AFF1: variants seen among roughly 807,000 people sequenced by gnomAD.
AFF1 encodes the protein ALF transcription elongation factor 1, also known as AF4/FMR2 family member 1.
In AFF1, 48 loss-of-function variants were observed where a neutral mutation model predicts 121.7. That is an observed-to-expected ratio of 0.39 (90% CI 0.31 to 0.50). AFF1 has a LOEUF of 0.50. Ranked by LOEUF, AFF1 falls within the 20% of genes least tolerant of loss-of-function variation. AFF1 has a pLI of 0.76. For synonymous variants in AFF1, 613 were observed against 563.0 expected (o/e 1.09, Z -1.26); for missense variants, 1,523 against 1,511.7 (o/e 1.01, Z -0.12).
At chr4:87,003,895 A>G (rs1050579138) in intron 2 of AFF1, among the ~76,000 whole-genome samples, 1 of 152,256 alleles carries the variant, frequency 6.6e-6, no homozygotes, top group Admixed American at 6.5e-5. Flanking sequence ...CTTACAAATG[A>G]AAATAAATGT....
intron 4 of AFF1, among the ~76,000 whole-genome samples, chr4:87,083,541 A>C (rs532004754): frequency 1.2e-4 from 19 of 152,216 alleles, no homozygotes; most frequent in Admixed American, 7.2e-4. Context: ...GTCTTCATTT[A>C]ATGTGGCTTA....
At chr4:86,945,536 TTACCCAGGCTGCAGTGCAGTGGCACAGA>T (rs1720800107) in intron 1 of AFF1, among the ~76,000 whole-genome samples, 1 of 144,966 alleles carries the variant, frequency 6.9e-6, no homozygotes, top group African/African-American at 2.6e-5. Flanking sequence ...AGGGTCTCTG[TTACCCAGGCTGCAGTGCAGTGGCACAGA>T]TCACAGTTCA....
intron 2 of AFF1, chr4:86,949,789 G>C (rs1017463774): frequency 2.0e-5 from 33 of 1,613,626 alleles, no homozygotes; most frequent in Non-Finnish European, 5.1e-6. Flanking sequence ...GGGAGAACAG[G>C]GCCACTGGGA....
At chr4:87,097,128 C>A (rs1023801900) in intron 8 of AFF1, among the ~76,000 whole-genome samples, 1 of 152,194 alleles carries the variant, frequency 6.6e-6, no homozygotes, top group Non-Finnish European at 1.5e-5. Context: ...TTGTCAAGCC[C>A]TGTAGACCAT....
chr4:87,110,800 A>G (rs1047125271), intron 11 of AFF1, among the ~76,000 whole-genome samples: 2 of 152,158 alleles, frequency 1.3e-5, no homozygotes, highest in Admixed American at 1.3e-4. Flanking sequence ...CTAATAAAAA[A>G]TAATTATATC....
chr4:86,978,304 C>T (rs1017393387), intron 2 of AFF1, among the ~76,000 whole-genome samples: 3 of 148,812 alleles, frequency 2.0e-5, no homozygotes, highest in Non-Finnish European at 4.4e-5. Context: ...CTGCCTCAGC[C>T]TCCCGAAGAG....
intron 8 of AFF1, among the ~76,000 whole-genome samples, chr4:87,103,039 C>G (rs1327897833): frequency 6.6e-6 from 1 of 152,170 alleles, no homozygotes; most frequent in Non-Finnish European, 1.5e-5. Flanking sequence ...AAACTGTCTT[C>G]AGCTACATAG....
chr4:86,979,089 T>C (rs1195955760), intron 2 of AFF1, among the ~76,000 whole-genome samples: 1 of 152,040 alleles, frequency 6.6e-6, no homozygotes, highest in Non-Finnish European at 1.5e-5. Context: ...CCGTCTCCTT[T>C]GCCTCTGCCT....
In AFF1 at chr4:86,959,951, G is replaced by C. The variant is rs575192943; in HGVS notation, c.38+11380G>C. 3.9e-5 allele frequency among the ~76,000 whole-genome samples: 6 copies of C among 152,240 alleles called. No homozygotes were observed. The South Asian group carries it at 1.2e-3, about 32-fold the overall frequency. ...CAGTTGGTTCTAACTGGGGGCCAGGGCCTCGTTTGCAAATGAAAGGACTGC... is the reference window on the plus strand; with the variant it reads ...CAGTTGGTTCTAACTGGGGGCCAGGCCCTCGTTTGCAAATGAAAGGACTGC... On this transcript the variant is annotated intron_variant, in intron 2 of 20. Coordinates refer to ENST00000395146, the MANE Select transcript of AFF1 (RefSeq NM_001166693.3).
intron 4 of AFF1, among the ~76,000 whole-genome samples, chr4:87,062,535 T>G (rs530472805): frequency 6.6e-6 from 1 of 152,306 alleles, no homozygotes; most frequent in East Asian, 1.9e-4. Context: ...AAATATATGT[T>G]TTTTTTCCAA....
chr4:87,005,807 T>TA lies in AFF1; in HGVS notation c.39-40350dup, dbSNP rs199922137. Among the ~76,000 whole-genome samples the TA allele has an allele frequency of 7.7e-3, 1,160 of 151,014 alleles. 9 individuals are homozygous for TA. Among genetic ancestry groups the TA allele is most frequent in the East Asian group, 0.015 (78 of 5,170 alleles). On this transcript the variant is annotated intron_variant, in intron 2 of 20. Transcript: ENST00000395146. ...TAACGACAATCATAAAGGAAACGCT[T>TA]AAAAAAAAATAACGTGTGGTAGTGA...
At chr4:87,059,459 ATTTAGTATGGATTT>A (rs1431931379) in intron 4 of AFF1, among the ~76,000 whole-genome samples, 4 of 152,032 alleles carry the variant, frequency 2.6e-5, no homozygotes, top group Admixed American at 2.6e-4. Flanking sequence ...TCTGTCCCTC[ATTTAGTATGGATTT>A]TTACCGTCTT....
chr4:87,072,740 A>G (rs983054261), intron 4 of AFF1, among the ~76,000 whole-genome samples: 4 of 152,110 alleles, frequency 2.6e-5, no homozygotes, highest in African/African-American at 9.7e-5. Flanking sequence ...CATGTTGGCC[A>G]GGCTGGTCAC....
chr4:87,055,691 G>T (rs183551441), intron 4 of AFF1, among the ~76,000 whole-genome samples: 38 of 152,340 alleles, frequency 2.5e-4, no homozygotes, highest in African/African-American at 8.9e-4. Flanking sequence ...CAGAAACCCA[G>T]ATATTCCAAG....
intron 16 of AFF1, among the ~76,000 whole-genome samples, chr4:87,129,770 A>G (rs1038806970): frequency 2.0e-5 from 3 of 152,180 alleles, no homozygotes; most frequent in Admixed American, 1.3e-4. Context: ...AGCCTAGTTC[A>G]TTCTGCTACT....
chr4:87,105,506 T>C, intron 8 of AFF1, 122 bp from the exon 9 acceptor site: 1 of 1,036,518 alleles, frequency 9.6e-7, no homozygotes. Context: ...CTTTAATAAA[T>C]AAAGAAAACT....
intron 12 of AFF1, among the ~76,000 whole-genome samples, chr4:87,122,596 G>A (rs1464060852): frequency 1.3e-5 from 2 of 151,680 alleles, no homozygotes; most frequent in East Asian, 1.9e-4. Context: ...ATTTCATATT[G>A]TCTCCCTTTT....
rs62306469 is a variant in AFF1, at chr4:86,976,785, T to C, written c.38+28214T>C. On this transcript the variant is annotated intron_variant, in intron 2 of 20. Transcript: ENST00000395146. ...AAAGTTAAGAAAAAGAAATGGGCTC[T>C]GGAGCCAGAACTGGGTGCCTACCTC... Among the ~76,000 whole-genome samples, 624 of 152,338 alleles carry C rather than the reference T, an allele frequency of 4.1e-3. 3 individuals carry two copies. Among genetic ancestry groups the C allele is most frequent in the Non-Finnish European group, 7.8e-3 (529 of 68,034 alleles).
chr4:87,124,403 A>T (rs1040859049), intron 12 of AFF1, among the ~76,000 whole-genome samples: 4 of 152,290 alleles, frequency 2.6e-5, no homozygotes, highest in Non-Finnish European at 5.9e-5. Context: ...AAAAAAATTG[A>T]ATCAGTGGAG....
Sources: allele counts gnomAD v4.1 joint callset (sites outside exome capture counted in the v4.1 genomes callset), GRCh38; gene constraint gnomAD v4.1.1; transcripts MANE v1.5; gene names NCBI Gene and HGNC (gene_info 2026-07-23, HGNC 2026-07-21).